STK33: variants seen among roughly 807,000 people sequenced by gnomAD.
The protein encoded by STK33 is serine/threonine kinase 33, also known as serine/threonine-protein kinase 33.
A neutral mutation model predicts 58.0 loss-of-function variants in STK33; 52 were observed. That is an observed-to-expected ratio of 0.90 (90% CI 0.72 to 1.13). The LOEUF (loss-of-function observed/expected upper bound fraction) is 1.13. Among genes scored for constraint, STK33 ranks in the 50% most tolerant of loss-of-function variants. STK33 has a pLI of 0.00. For synonymous variants in STK33, 215 were observed against 200.1 expected (o/e 1.07, Z -0.63); for missense variants, 630 against 604.2 (o/e 1.04, Z -0.45).
At chr11:8,363,194 C>T in the STK33 span, among the ~76,000 whole-genome samples, 4 of 151,684 alleles carry the variant, frequency 2.6e-5, no homozygotes, top group Non-Finnish European at 4.4e-5. Context: ...TGGGGGCGGG[C>T]GAGGGAAGAG....
chr11:8,405,993 A>G (rs1016549939), intron 15 of STK33, among the ~76,000 whole-genome samples: 1 of 152,028 alleles, frequency 6.6e-6, no homozygotes, highest in African/African-American at 2.4e-5. Flanking sequence ...ATACAAAAAA[A>G]TTAGCCGGGC....
intron 1 of STK33, among the ~76,000 whole-genome samples, chr11:8,510,292 A>G (rs1026340058): frequency 1.3e-5 from 2 of 152,128 alleles, no homozygotes; most frequent in African/African-American, 2.4e-5. Flanking sequence ...GGCTGTCTGT[A>G]TATCTTCTGT....
the STK33 span, among the ~76,000 whole-genome samples, chr11:8,338,500 C>T: frequency 6.6e-6 from 1 of 152,154 alleles, no homozygotes; most frequent in African/African-American, 2.4e-5. Flanking sequence ...GACGGTGCCA[C>T]ATCAATGCTC....
intron 1 of STK33, among the ~76,000 whole-genome samples, chr11:8,584,445 G>C (rs1380684013): frequency 1.3e-5 from 2 of 152,148 alleles, no homozygotes; most frequent in African/African-American, 4.8e-5. Flanking sequence ...AACAAGACTA[G>C]AACTCCTGAG....
In STK33 at chr11:8,413,417, C is replaced by T. The variant is rs904600634; in HGVS notation, c.1344+78G>A. 215 of 1,487,678 alleles carry T rather than the reference C, an allele frequency of 1.4e-4. 2 individuals carry two copies. In the Middle Eastern group the frequency reaches 5.4e-3, roughly 38 times the overall value. 92.2% of individuals were successfully genotyped at this position (1,487,678 alleles called of 1,614,324 possible). On this transcript the variant is annotated intron_variant, in intron 15 of 15. Coordinates refer to ENST00000687296, the MANE Select transcript of STK33 (RefSeq NM_001352389.2). Reference sequence around the variant, plus strand: ...TTGTTACAAACTAACAACAAAAAGACAGATTTGCAAAAAAAATGTTCCAGG... The same window carrying T: ...TTGTTACAAACTAACAACAAAAAGATAGATTTGCAAAAAAAATGTTCCAGG...
At chr11:8,536,577 A>C (rs1188602551) in intron 1 of STK33, among the ~76,000 whole-genome samples, 2 of 152,208 alleles carry the variant, frequency 1.3e-5, no homozygotes, top group African/African-American at 4.8e-5. Context: ...ACAATAGGAA[A>C]TACAAAGCAC....
At chr11:8,527,684 C>T (rs1061573) in intron 1 of STK33, among the ~76,000 whole-genome samples, 1 of 151,884 alleles carries the variant, frequency 6.6e-6, no homozygotes, top group African/African-American at 2.4e-5. Context: ...AGCAAGATAA[C>T]CAGAAAAATT....
At chr11:8,472,781 A>G (rs992212976) in intron 6 of STK33, among the ~76,000 whole-genome samples, 3 of 152,344 alleles carry the variant, frequency 2.0e-5, no homozygotes, top group Middle Eastern at 3.4e-3. Context: ...GGAGGAGCTC[A>G]TGAGGGAGAT....
intron 1 of STK33, among the ~76,000 whole-genome samples, chr11:8,589,747 A>T (rs2032295962): frequency 6.6e-6 from 1 of 152,200 alleles, no homozygotes; most frequent in African/African-American, 2.4e-5. Flanking sequence ...AAAAGCAATA[A>T]AGAAGTTAAC....
chr11:8,556,209 T>C (rs1016054919), intron 1 of STK33, among the ~76,000 whole-genome samples: 2 of 152,138 alleles, frequency 1.3e-5, no homozygotes, highest in African/African-American at 2.4e-5. Flanking sequence ...CTGGATTTTA[T>C]CGGGTAATTG....
chr11:8,590,046 C>T (rs916725784), intron 1 of STK33, among the ~76,000 whole-genome samples: 1 of 152,178 alleles, frequency 6.6e-6, no homozygotes, highest in Non-Finnish European at 1.5e-5. Context: ...GATGCACTGC[C>T]TTTGGTAAAT....
At position 8,520,710 on chromosome 11, in the gene STK33, A is replaced by C. The variant is rs560330563; in HGVS notation, c.-465-40096T>G. Among the ~76,000 whole-genome samples the C allele has an allele frequency of 2.8e-3, 422 of 152,332 alleles. 1 individual carries two copies. The highest frequency in any genetic ancestry group is 6.8e-3 in the Middle Eastern group (2 of 294). ...TCCTATATACCAATAACAGACAAACAGACAGCCAAATCATGAGTGAACTCA... is the reference window on the plus strand; with the variant it reads ...TCCTATATACCAATAACAGACAAACCGACAGCCAAATCATGAGTGAACTCA... On this transcript the variant is annotated intron_variant, in intron 1 of 15. Coordinates refer to ENST00000687296, the MANE Select transcript of STK33 (RefSeq NM_001352389.2).
intron 8 of STK33, 118 bp downstream of exon 8, chr11:8,461,687 A>G: frequency 1.6e-6 from 1 of 619,024 alleles, no homozygotes; most frequent in Non-Finnish European, 2.6e-6. Context: ...ATCTCCAGTG[A>G]CAGACTCATG....
intron 15 of STK33, among the ~76,000 whole-genome samples, chr11:8,401,229 C>T (rs2135292757): frequency 6.6e-6 from 1 of 152,202 alleles, no homozygotes; most frequent in African/African-American, 2.4e-5. Flanking sequence ...TACAACAAGG[C>T]TACAGTAACC....
the STK33 span, among the ~76,000 whole-genome samples, chr11:8,339,027 C>T: frequency 1.3e-5 from 2 of 152,166 alleles, no homozygotes; most frequent in African/African-American, 2.4e-5. Context: ...AGCTGAAAAT[C>T]CCCATGCATC....
chr11:8,445,156 G>A (rs986029368), intron 11 of STK33, among the ~76,000 whole-genome samples: 1 of 152,210 alleles, frequency 6.6e-6, no homozygotes, highest in Non-Finnish European at 1.5e-5. Context: ...AACTGTGAAT[G>A]GGAGTTCCCT....
intron 1 of STK33, among the ~76,000 whole-genome samples, chr11:8,517,105 T>C (rs189432599): frequency 1.2e-3 from 178 of 152,256 alleles, no homozygotes; most frequent in African/African-American, 4.1e-3. Flanking sequence ...TGATACCTCA[T>C]ACAGCCGGGT....
At chr11:8,490,538 C>T (rs11512437) in intron 1 of STK33, among the ~76,000 whole-genome samples, 4,533 of 152,254 alleles carry the variant, frequency 0.03, 76 homozygotes, top group African/African-American at 0.053. Context: ...CTTAAACGTC[C>T]CCGTCTCACA....
rs1291561107 is a variant in STK33, at chr11:8,495,479, AACGCTGTTAC to A, written c.-465-14875_-465-14866del. Among the ~76,000 whole-genome samples the A allele has an allele frequency of 3.3e-5, 5 of 152,216 alleles. No homozygotes were observed. The East Asian group carries it at 9.6e-4, about 29-fold the overall frequency. Reference sequence around the variant, plus strand: ...ACTGGAGAGGATGTGGAGAAACAGGAACGCTGTTACACTGTTGGTGGGAGTGTAAACTAGT... The same window carrying A: ...ACTGGAGAGGATGTGGAGAAACAGGAACTGTTGGTGGGAGTGTAAACTAGT... On this transcript the variant is annotated intron_variant, in intron 1 of 15. Coordinates refer to ENST00000687296, the MANE Select transcript of STK33 (RefSeq NM_001352389.2).
Sources: allele counts gnomAD v4.1 joint callset (sites outside exome capture counted in the v4.1 genomes callset), GRCh38; gene constraint gnomAD v4.1.1; transcripts MANE v1.5; gene names NCBI Gene and HGNC (gene_info 2026-07-23, HGNC 2026-07-21).